POLA1: variants seen among roughly 807,000 people sequenced by gnomAD.
POLA1 encodes DNA polymerase alpha 1, catalytic subunit, also known as DNA polymerase alpha catalytic subunit.
Under a neutral mutation model 124.0 loss-of-function variants are expected in POLA1, and 15 were observed. That is an observed-to-expected ratio of 0.12 (90% CI 0.08 to 0.19). The LOEUF (loss-of-function observed/expected upper bound fraction) is 0.19, where lower values mean the gene tolerates loss of function less well. POLA1 is among the 10% of genes least tolerant of loss of function. The pLI, the probability that POLA1 is intolerant of heterozygous loss-of-function variation, is 1.00. For synonymous variants in POLA1, 408 were observed against 389.4 expected (o/e 1.05, Z -0.56); for missense variants, 886 against 1,103.4 (o/e 0.80, Z 2.79).
intron 36 of POLA1, among the ~76,000 whole-genome samples, chrX:24,941,498 C>T (rs1349633496): frequency 3.6e-5 from 4 of 112,456 alleles, no homozygotes; most frequent in Non-Finnish European, 7.5e-5. Context: ...GTGATGTCTC[C>T]AGTAACCCTG....
intron 26 of POLA1, among the ~76,000 whole-genome samples, chrX:24,794,794 C>T (rs780528407): frequency 1.7e-4 from 19 of 111,014 alleles, no homozygotes; most frequent in Non-Finnish European, 3.4e-4. Context: ...AGCGAAAATT[C>T]CTCTTCATCT....
intron 34 of POLA1, among the ~76,000 whole-genome samples, chrX:24,876,689 G>GC (rs2046940558): frequency 1.0e-5 from 1 of 98,534 alleles, no homozygotes; most frequent in African/African-American, 3.5e-5. Context: ...GTCGGGGGGG[G>GC]GGATAGTGGT....
chrX:24,810,018 C>A, intron 27 of POLA1, 88 bp downstream of exon 27: 1 of 545,531 alleles, frequency 1.8e-6, no homozygotes, highest in Non-Finnish European at 3.0e-6. Context: ...CCCAAACAGA[C>A]TGGAAATTGC....
At chrX:24,741,088 A>T (rs1414900591) in intron 20 of POLA1, among the ~76,000 whole-genome samples, 1 of 105,243 alleles carries the variant, frequency 9.5e-6, no homozygotes, top group South Asian at 4.3e-4. Context: ...TAGTTATTAT[A>T]TTACTTCAGT....
intron 36 of POLA1, among the ~76,000 whole-genome samples, chrX:24,956,011 C>T (rs866650475): frequency 1.8e-5 from 2 of 111,373 alleles, no homozygotes; most frequent in Non-Finnish European, 3.8e-5. Context: ...ATATATAGGC[C>T]AAGTCTGGTG....
At chrX:24,775,454 T>C (rs2070582489) in intron 26 of POLA1, 1 of 112,345 alleles carries the variant, frequency 8.9e-6, no homozygotes, top group Non-Finnish European at 1.9e-5. Context: ...AGTATCATTT[T>C]ACCAGCCAGA....
rs1343855778 is a variant in POLA1 at position 24,846,226 on chromosome X, G to T, written c.4047+2549G>T. On this transcript the variant is annotated intron_variant, in intron 34 of 36. Coordinates refer to ENST00000379068, the MANE Select transcript of POLA1 (RefSeq NM_001330360.2). ...TTTAATAAATATTGGCTCCTTTATG[G>T]GAGAGGAGAGGCTTTTTGCTCCTCA... 3.6e-5 allele frequency among the ~76,000 whole-genome samples: 4 copies of T among 111,505 alleles called. No homozygotes were observed. The East Asian group carries it at 1.1e-3, about 31-fold the overall frequency.
At chrX:24,973,723 G>A (rs373181897) in intron 36 of POLA1, among the ~76,000 whole-genome samples, 41 of 111,573 alleles carry the variant, frequency 3.7e-4, no homozygotes, top group African/African-American at 1.2e-3. Flanking sequence ...CACCATGGTC[G>A]GGAGTCTTCC....
intron 36 of POLA1, among the ~76,000 whole-genome samples, chrX:24,952,043 C>T (rs1167050881): frequency 9.0e-6 from 1 of 111,429 alleles, no homozygotes; most frequent in Non-Finnish European, 1.9e-5. Flanking sequence ...TAGGTGGTAA[C>T]GAGGAGTCCT....
intron 32 of POLA1, among the ~76,000 whole-genome samples, chrX:24,834,763 C>T (rs1334192751): frequency 9.0e-6 from 1 of 110,694 alleles, no homozygotes; most frequent in Non-Finnish European, 1.9e-5. Context: ...GGCAACAGAG[C>T]GAGACTCCGC....
rs184768750 is a variant in POLA1, at chrX:24,797,925, A to G, written c.2965-11973A>G. Among the ~76,000 whole-genome samples the G allele has an allele frequency of 1.2e-4, 13 of 108,163 alleles. 1 individual carries two copies. Among genetic ancestry groups the G allele is most frequent in the African/African-American group, 4.4e-4 (13 of 29,769 alleles). The allele number at this position is 108,163 out of a possible 115,157, so 93.9% of individuals were successfully genotyped here. A position where few individuals can be genotyped will look rare whatever the true frequency, so the allele number is the denominator to read the frequency against. ...TAGCCAGGCTTGGTGGGGTGCGCCT[A>G]TAGTCCCAGCTACTTGGGAGGGTGA... On this transcript the variant is annotated intron_variant, in intron 26 of 36. Coordinates refer to ENST00000379068, the MANE Select transcript of POLA1 (RefSeq NM_001330360.2).
intron 26 of POLA1, among the ~76,000 whole-genome samples, chrX:24,764,192 CATA>C (rs1932850369): frequency 8.9e-6 from 1 of 112,275 alleles, no homozygotes; most frequent in African/African-American, 3.2e-5. Flanking sequence ...GCGTTTGATA[CATA>C]ATAAGTACTC....
rs1262650514 is a variant in POLA1 at position 24,942,684 on chromosome X, A to G, written c.4261+12135A>G. ...GAAGCAAAGCTTTAAACTCAGGACT[A>G]TAAGCTTGAAGGGCATTATTTTTTG... is the stretch of plus-strand genomic sequence containing the variant. On this transcript the variant is annotated intron_variant, in intron 36 of 36. Coordinates refer to ENST00000379068, the MANE Select transcript of POLA1 (RefSeq NM_001330360.2). Among the ~76,000 whole-genome samples, 4 of 112,053 alleles carry G rather than the reference A, an allele frequency of 3.6e-5. No individual in the cohort carries two copies. In the East Asian group the frequency reaches 1.1e-3, roughly 31 times the overall value.
chrX:24,714,197 G>A (rs1306930803), intron 4 of POLA1, among the ~76,000 whole-genome samples: 4 of 111,391 alleles, frequency 3.6e-5, no homozygotes, highest in Admixed American at 1.9e-4. Context: ...TTGCTCTGTC[G>A]CCCAGGCTGG....
chrX:24,951,076 C>T (rs912933355), intron 36 of POLA1, among the ~76,000 whole-genome samples: 3 of 111,205 alleles, frequency 2.7e-5, no homozygotes, highest in Non-Finnish European at 5.7e-5. Context: ...TACATTTGGT[C>T]AGCTTATAAC....
At chrX:24,867,886 G>A (rs1003226560) in intron 34 of POLA1, among the ~76,000 whole-genome samples, 1 of 110,821 alleles carries the variant, frequency 9.0e-6, no homozygotes, top group African/African-American at 3.3e-5. Context: ...CACTTAGCAA[G>A]TTATTTTAAT....
chrX:24,806,418 A>T (rs1215028023), intron 26 of POLA1, among the ~76,000 whole-genome samples: 3 of 110,267 alleles, frequency 2.7e-5, no homozygotes, highest in Non-Finnish European at 3.8e-5. Context: ...TCTGCTCATT[A>T]GCACTTGGAT....
At chrX:24,811,358 CGACTCCCTGCAACCTCT>C (rs1569321222) in intron 28 of POLA1, among the ~76,000 whole-genome samples, 3 of 109,505 alleles carry the variant, frequency 2.7e-5, no homozygotes, top group Non-Finnish European at 5.7e-5. Flanking sequence ...CTGCAACCTC[CGACTCCCTGCAACCTCT>C]GACTCCCTGC....
At chrX:24,733,484 A>G (rs1931065894) in intron 16 of POLA1, among the ~76,000 whole-genome samples, 1 of 112,048 alleles carries the variant, frequency 8.9e-6, no homozygotes, top group African/African-American at 3.3e-5. Flanking sequence ...TTTGAGGAAG[A>G]CTGCTAAAAT....
Sources: allele counts gnomAD v4.1 joint callset (sites outside exome capture counted in the v4.1 genomes callset), GRCh38; gene constraint gnomAD v4.1.1; transcripts MANE v1.5; gene names NCBI Gene and HGNC (gene_info 2026-07-23, HGNC 2026-07-21).